SETD7: variants seen among roughly 807,000 people sequenced by gnomAD.
SETD7 encodes the protein histone-lysine N-methyltransferase SETD7.
SETD7 carries 16 observed loss-of-function variants against 41.8 expected under a neutral mutation model. That is an observed-to-expected ratio of 0.38 (90% CI 0.26 to 0.58). The LOEUF is 0.58. Ranked by LOEUF, SETD7 falls within the 20% of genes least tolerant of loss-of-function variation. The pLI is 0.64. For synonymous variants in SETD7, 163 were observed against 169.7 expected, an observed-to-expected ratio of 0.96 and a Z score of 0.31; for missense variants, 346 against 459.7, an observed-to-expected ratio of 0.75 and a Z score of 2.26.
intron 7 of SETD7, among the ~76,000 whole-genome samples, chr4:139,516,127 G>A (rs1204709531): frequency 6.6e-6 from 1 of 152,136 alleles, no homozygotes; most frequent in Non-Finnish European, 1.5e-5. Context: ...GACAATTAGA[G>A]CCAAGGGCTG....
At chr4:139,511,911 G>T in intron 7 of SETD7, 68 bp from the exon 8 acceptor site, 1 of 1,536,014 alleles carries the variant, frequency 6.5e-7, no homozygotes, top group Admixed American at 2.0e-5. Flanking sequence ...GGCTAGGGAG[G>T]GGCTGATACA....
chr4:139,499,966 G>A (rs1169841663), intron 7 of SETD7, among the ~76,000 whole-genome samples: 1 of 152,104 alleles, frequency 6.6e-6, no homozygotes, highest in Non-Finnish European at 1.5e-5. Context: ...TGCCGTTTTT[G>A]TCCAAACATA....
chr4:139,523,143 T>A (rs1247924997), intron 5 of SETD7, among the ~76,000 whole-genome samples: 1 of 152,130 alleles, frequency 6.6e-6, no homozygotes, highest in East Asian at 1.9e-4. Flanking sequence ...TCTTACAGGG[T>A]CAGATTCTAC....
intron 7 of SETD7, chr4:139,496,541 T>C (rs1186237795): frequency 2.9e-6 from 2 of 701,174 alleles, no homozygotes; most frequent in Admixed American, 4.0e-5. Flanking sequence ...GAGAAGCAAC[T>C]GGCTGAGAAC....
chr4:139,504,874 T>A (rs1277883190), downstream of SETD7, among the ~76,000 whole-genome samples: 1 of 152,192 alleles, frequency 6.6e-6, no homozygotes, highest in Admixed American at 6.5e-5. Flanking sequence ...TTCTTAAGCT[T>A]CCCTCAGTCT....
chr4:139,551,137 C>T (rs144802778), intron 1 of SETD7, among the ~76,000 whole-genome samples: 1 of 152,340 alleles, frequency 6.6e-6, no homozygotes, highest in East Asian at 1.9e-4. Flanking sequence ...GTCCCGGTTG[C>T]AAAGTCCTAT....
At chr4:139,546,051 C>T (rs1021005236) in intron 2 of SETD7, among the ~76,000 whole-genome samples, 16 of 152,202 alleles carry the variant, frequency 1.1e-4, no homozygotes, top group African/African-American at 3.1e-4. Flanking sequence ...GAAAGAAAAA[C>T]GTCCTATAGT....
intron 2 of SETD7, among the ~76,000 whole-genome samples, chr4:139,537,771 T>C (rs925724603): frequency 3.0e-4 from 46 of 152,346 alleles, no homozygotes; most frequent in African/African-American, 1.1e-3. Flanking sequence ...CATAACAGTG[T>C]TATTCAAGTG....
At chr4:139,541,949 T>C (rs549496215) in intron 2 of SETD7, among the ~76,000 whole-genome samples, 1 of 152,192 alleles carries the variant, frequency 6.6e-6, no homozygotes, top group Non-Finnish European at 1.5e-5. Flanking sequence ...CCATGTTTAT[T>C]GCACTATTCA....
intron 7 of SETD7, among the ~76,000 whole-genome samples, chr4:139,497,945 C>T (rs1315466687): frequency 1.3e-5 from 2 of 152,106 alleles, no homozygotes; most frequent in Non-Finnish European, 2.9e-5. Flanking sequence ...AATAAATCCT[C>T]ACCACAAGAG....
downstream of SETD7, among the ~76,000 whole-genome samples, chr4:139,501,418 T>C (rs1397568668): frequency 6.8e-6 from 1 of 146,686 alleles, no homozygotes; most frequent in Non-Finnish European, 1.5e-5. Flanking sequence ...CATAATGGAC[T>C]TCAGAGACTC....
chr4:139,540,547 G>C lies in SETD7; in HGVS notation c.170+6373C>G, dbSNP rs187983835. 3.9e-5 allele frequency among the ~76,000 whole-genome samples: 6 copies of C among 152,184 alleles called. No individual in the cohort carries two copies. In the East Asian group the frequency reaches 1.2e-3, roughly 29 times the overall value. ...AATCATTTTTAACTAGGTCACCTGGGGCAAGTTATTTAGCCACTCTGTGCC... is the reference window on the plus strand; with the variant it reads ...AATCATTTTTAACTAGGTCACCTGGCGCAAGTTATTTAGCCACTCTGTGCC... On this transcript the variant is annotated intron_variant, in intron 2 of 7. Transcript: ENST00000274031.
rs1216373974 is a variant in SETD7 at position 139,511,677 on chromosome 4, T to G, written c.1087A>C (p.Thr363Pro). 1 of 1,613,484 alleles carries G rather than the reference T, an allele frequency of 6.2e-7. No individual in the cohort carries two copies. The highest frequency in any genetic ancestry group is 8.5e-7 in the Non-Finnish European group (1 of 1,179,854). The change falls in exon 8 of 8, where the codon ACC (threonine) becomes CCC (proline). Residue 363 changes from threonine (T) to proline (P), a missense_variant. Transcript: ENST00000274031. Reference sequence around the variant, plus strand: ...AGCCAGGCCTTTCACTTTTGCTGGGTGGCCTGGAAGGCCTTCAGCTCCACC... The same window carrying G: ...AGCCAGGCCTTTCACTTTTGCTGGGGGGCCTGGAAGGCCTTCAGCTCCACC... ...YQVELKAFQA[T>P]QQK
In SETD7 at chr4:139,517,475, CAAA is replaced by C. The variant is rs56132171; in HGVS notation, c.920+407_920+409del. 4.3e-3 allele frequency among the ~76,000 whole-genome samples: 569 copies of C among 133,770 alleles called. 1 individual carries two copies. The highest frequency in any genetic ancestry group is 0.016 in the African/African-American group (503 of 31,556). The allele number at this position is 133,770 out of a possible 152,430, so 87.8% of individuals were successfully genotyped here. On this transcript the variant is annotated intron_variant, in intron 7 of 7. Transcript: ENST00000274031. ...GGGCATCAAGAAGGAAAATCCATCT[CAAA>C]AAAAAAAAAAAAAAAAAAAAAAAAG...
At chr4:139,521,151 C>G (rs560714659) in intron 5 of SETD7, among the ~76,000 whole-genome samples, 1 of 152,092 alleles carries the variant, frequency 6.6e-6, no homozygotes, top group Non-Finnish European at 1.5e-5. Context: ...GCTGGTCGGG[C>G]GTGGTAGCTG....
chr4:139,497,479 TA>T (rs891040688), intron 7 of SETD7, among the ~76,000 whole-genome samples: 1 of 151,468 alleles, frequency 6.6e-6, no homozygotes, highest in Non-Finnish European at 1.5e-5. Context: ...AAATAAAAAA[TA>T]AAAAAATTTA....
At chr4:139,532,230 C>G (rs1727500733) in intron 3 of SETD7, among the ~76,000 whole-genome samples, 1 of 152,074 alleles carries the variant, frequency 6.6e-6, no homozygotes, top group African/African-American at 2.4e-5. Flanking sequence ...TTGCTTGAGC[C>G]CAGGAGTTCG....
In SETD7 at chr4:139,556,068, C is replaced by T. The variant is rs764663119; in HGVS notation, c.40+30G>A. The stretch of plus-strand genomic sequence containing the variant: ...TCCGCGCTCCAGGCCCTCTGCGCCT[C>T]CTCCCCCGGCCCCGGAGAAATGCTT... On this transcript the variant is annotated intron_variant, in intron 1 of 7. Transcript: ENST00000274031. 11 of 1,578,738 alleles carry T rather than the reference C, an allele frequency of 7.0e-6. No individual in the cohort carries two copies. In the Admixed American group the frequency reaches 1.4e-4, roughly 20 times the overall value.
chr4:139,513,043 G>A (rs935989032), intron 7 of SETD7, among the ~76,000 whole-genome samples: 4 of 152,010 alleles, frequency 2.6e-5, no homozygotes, highest in Non-Finnish European at 5.9e-5. Context: ...ACAGGTGTGA[G>A]CCACTGTGCC....
Sources: gnomAD v4.1 joint callset for allele counts (sites outside exome capture counted in the v4.1 genomes callset) on GRCh38, gnomAD v4.1.1 for gene constraint, MANE v1.5 for transcripts, NCBI Gene and HGNC (gene_info 2026-07-23, HGNC 2026-07-21) for gene names.